The following GPR143 variants were observed in gnomAD, a reference collection of about 807,000 sequenced individuals.
GPR143 encodes G-protein coupled receptor 143.
GPR143 carries 8 observed loss-of-function variants against 27.6 expected under a neutral mutation model. That is an observed-to-expected ratio of 0.29 (90% CI 0.17 to 0.52). GPR143 has a LOEUF of 0.52. Among genes scored for constraint, GPR143 ranks in the 20% least tolerant of loss-of-function variants. The probability of loss-of-function intolerance (pLI) is 0.96; values close to 1 mark genes in which losing one functional copy is unlikely to be tolerated. For missense variants in GPR143, 303 were observed against 343.1 expected, an observed-to-expected ratio of 0.88 and a Z score of 0.92; for synonymous variants, 156 against 153.2, an observed-to-expected ratio of 1.02 and a Z score of -0.13.
intron 3 of GPR143, among the ~76,000 whole-genome samples, chrX:9,751,497 A>G (rs1345323319): frequency 8.9e-6 from 1 of 112,523 alleles, no homozygotes; most frequent in Non-Finnish European, 1.9e-5. Flanking sequence ...AGCACGTGCG[A>G]AGGTAATATC....
At chrX:9,752,382 A>C (rs1046248070) in intron 3 of GPR143, among the ~76,000 whole-genome samples, 11 of 111,973 alleles carry the variant, frequency 9.8e-5, no homozygotes, top group African/African-American at 3.6e-4. Flanking sequence ...CTATGTTTAT[A>C]AGTTAGAGTG....
At chrX:9,744,709 A>G (rs2083420482) in intron 5 of GPR143, among the ~76,000 whole-genome samples, 1 of 112,215 alleles carries the variant, frequency 8.9e-6, no homozygotes, top group Non-Finnish European at 1.9e-5. Context: ...CATCTCAAAA[A>G]AATAAAAATA....
At chrX:9,727,837 G>A (rs2083335092) in intron 8 of GPR143, among the ~76,000 whole-genome samples, 1 of 112,297 alleles carries the variant, frequency 8.9e-6, no homozygotes, top group East Asian at 2.8e-4. Flanking sequence ...CTTACTCTGT[G>A]TTCCTCTCAG....
At chrX:9,738,204 G>T (rs2083386986) in intron 8 of GPR143, 1 of 112,955 alleles carries the variant, frequency 8.9e-6, no homozygotes, top group Non-Finnish European at 1.9e-5. Context: ...TGGTGATTGG[G>T]GTGGGGTGCA....
chrX:9,753,521 G>A (rs1485151746), intron 3 of GPR143, among the ~76,000 whole-genome samples: 1 of 110,700 alleles, frequency 9.0e-6, no homozygotes, highest in Admixed American at 9.6e-5. Flanking sequence ...AAGGGAGGAG[G>A]AGCTGTGCTT....
intron 8 of GPR143, among the ~76,000 whole-genome samples, chrX:9,732,017 G>C (rs988234970): frequency 1.8e-5 from 2 of 111,904 alleles, no homozygotes; most frequent in Non-Finnish European, 3.8e-5. Context: ...TTAATAGAGA[G>C]TAGAATTATA....
At chrX:9,727,447 C>T (rs1430350702) in intron 8 of GPR143, among the ~76,000 whole-genome samples, 1 of 113,019 alleles carries the variant, frequency 8.8e-6, no homozygotes, top group African/African-American at 3.2e-5. Flanking sequence ...GCAAGCCAGA[C>T]TTGGCCCATG....
At position 9,725,600 on chromosome X, in the gene GPR143, G is replaced by A; in HGVS notation, c.*146C>T. 4.1e-6 allele frequency: 2 copies of A among 486,769 alleles called. No individual in the cohort carries two copies. Among genetic ancestry groups the A allele is most frequent in the Non-Finnish European group, 7.2e-6 (2 of 276,508 alleles). The allele number at this position is 486,769 out of a possible 1,213,427, so 40.1% of individuals were successfully genotyped here. ...TTCTCCTATCCTAAAGGCCCTTCGG[G>A]AAGAAGCTCTAGCTGGTGATGAGAG... On this transcript the variant is annotated 3_prime_UTR_variant, in exon 9 of 9. Transcript: ENST00000467482.
chrX:9,730,295 G>A (rs1207835657), intron 8 of GPR143, among the ~76,000 whole-genome samples: 1 of 68,536 alleles, frequency 1.5e-5, no homozygotes, highest in Admixed American at 2.0e-4. Context: ...ACCCCAACCA[G>A]TGGGCACTGA....
upstream of GPR143, among the ~76,000 whole-genome samples, chrX:9,768,517 C>T (rs1465754582): frequency 9.0e-6 from 1 of 111,121 alleles, no homozygotes. Flanking sequence ...TAGAGGAAGA[C>T]GACACATCTC....
At chrX:9,770,710 A>C (rs923699049), upstream of GPR143, among the ~76,000 whole-genome samples, 2 of 110,967 alleles carry the variant, frequency 1.8e-5, no homozygotes, top group Non-Finnish European at 3.8e-5. Flanking sequence ...CACTGCTCTT[A>C]ATTTGCTTTC....
intron 7 of GPR143, among the ~76,000 whole-genome samples, chrX:9,740,036 G>A (rs2083396093): frequency 9.1e-6 from 1 of 109,822 alleles, no homozygotes. Flanking sequence ...AGGGAAGACA[G>A]GAGAAGGAGA....
chrX:9,776,482 T>A (rs2083571128), intron 1 of GPR143, among the ~76,000 whole-genome samples: 1 of 108,895 alleles, frequency 9.2e-6, no homozygotes, highest in African/African-American at 3.4e-5. Flanking sequence ...AGCTCCTGGG[T>A]TCAAGGCATC....
intron 8 of GPR143, among the ~76,000 whole-genome samples, chrX:9,727,960 A>C (rs972264783): frequency 8.9e-6 from 1 of 112,386 alleles, no homozygotes; most frequent in Non-Finnish European, 1.9e-5. Context: ...TGATTTTCTC[A>C]TGGCTCCTAC....
chrX:9,725,781 C>T lies in GPR143; in HGVS notation c.1180G>A (p.Gly394Ser). The change falls in exon 9 of 9, where the codon GGT becomes AGT. Residue 394 changes from glycine (G) to serine (S), a missense_variant. Transcript: ENST00000467482. ...CCATGGGTTGGGAGAGCAGGGTCAC[C>T]CTCATTTTTGTTGCAGGATTCACTT... ...TASESCNKNE[G>S]DPALPTHGDL 8.3e-7 allele frequency: 1 copy of T among 1,209,765 alleles called. No homozygotes were observed.
rs759520024 is a variant in GPR143, at chrX:9,725,480, C to G, written c.*266G>C. 1 of 331,846 alleles carries G rather than the reference C, an allele frequency of 3.0e-6. No individual in the cohort carries two copies. The allele number at this position is 331,846 out of a possible 1,213,427, so 27.3% of individuals were successfully genotyped here. A position where few individuals can be genotyped will look rare whatever the true frequency, so the allele number is the denominator to read the frequency against. On this transcript the variant is annotated 3_prime_UTR_variant, in exon 9 of 9. Transcript: ENST00000467482. ...GACCTTACACTTACTTTACAGCCAGCCTCAGAAAACTTCCTAGTGGCAACT... is the reference window on the plus strand; with the variant it reads ...GACCTTACACTTACTTTACAGCCAGGCTCAGAAAACTTCCTAGTGGCAACT...
chrX:9,727,635 A>G (rs145874614), intron 8 of GPR143, among the ~76,000 whole-genome samples: 1,316 of 113,035 alleles, frequency 0.012, 18 homozygotes, highest in African/African-American at 0.041. Flanking sequence ...CAATGTCAGA[A>G]TTATTCTTCC....
At chrX:9,757,620 C>T (rs955621301) in intron 3 of GPR143, among the ~76,000 whole-genome samples, 9 of 111,033 alleles carry the variant, frequency 8.1e-5, no homozygotes, top group African/African-American at 2.9e-4. Context: ...TGACTAATAA[C>T]CACCACAGAG....
chrX:9,767,705 C>T (rs2083540671), upstream of GPR143, among the ~76,000 whole-genome samples: 2 of 112,367 alleles, frequency 1.8e-5, no homozygotes, highest in South Asian at 7.4e-4. Context: ...CTTAACAGCT[C>T]TGCTGGATTA....
Sources: gnomAD v4.1 joint callset for allele counts (sites outside exome capture counted in the v4.1 genomes callset) on GRCh38, gnomAD v4.1.1 for gene constraint, MANE v1.5 for transcripts, NCBI Gene and HGNC (gene_info 2026-07-23, HGNC 2026-07-21) for gene names.